ATP8A2: variants seen among roughly 807,000 people sequenced by gnomAD.
ATP8A2 encodes phospholipid-transporting ATPase IB.
Under a neutral mutation model 165.6 loss-of-function variants are expected in ATP8A2, and 100 were observed. That is an observed-to-expected ratio of 0.60 (90% CI 0.51 to 0.71). ATP8A2 has a LOEUF of 0.71. ATP8A2 is among the 30% of genes least tolerant of loss of function. The pLI is 0.00. For synonymous variants in ATP8A2, 543 were observed against 548.8 expected (o/e 0.99, Z 0.15); for missense variants, 1,227 against 1,479.5 (o/e 0.83, Z 2.80).
In ATP8A2 at chr13:25,971,658, C is replaced by T. The variant is rs562970169; in HGVS notation, c.3377+2979C>T. On this transcript the variant is annotated intron_variant, in intron 35 of 36. Transcript: ENST00000381655. Reference sequence around the variant, plus strand: ...CTTCAGTGCCAGATGAGCTGACACACTGGTGCCTGTGTGTCAGCTCGTGTG... The same window carrying T: ...CTTCAGTGCCAGATGAGCTGACACATTGGTGCCTGTGTGTCAGCTCGTGTG... 7.2e-5 allele frequency among the ~76,000 whole-genome samples: 11 copies of T among 152,246 alleles called. No homozygotes were observed. In the South Asian group the frequency reaches 2.1e-3, roughly 29 times the overall value.
intron 11 of ATP8A2, among the ~76,000 whole-genome samples, chr13:25,552,074 C>T (rs1272280958): frequency 1.3e-5 from 2 of 151,738 alleles, no homozygotes; most frequent in Middle Eastern, 3.4e-3. Flanking sequence ...GCACCCTCCA[C>T]CTCCTGGGTT....
intron 24 of ATP8A2, among the ~76,000 whole-genome samples, chr13:25,608,412 G>A (rs534338558): frequency 6.6e-6 from 1 of 152,182 alleles, no homozygotes; most frequent in Non-Finnish European, 1.5e-5. Context: ...TTACATGACA[G>A]TATGTTCTCT....
intron 36 of ATP8A2, among the ~76,000 whole-genome samples, chr13:26,017,871 A>G (rs1957015901): frequency 6.6e-6 from 1 of 152,152 alleles, no homozygotes; most frequent in South Asian, 2.1e-4. Flanking sequence ...GAGGGCTCAC[A>G]ATGGTCTGGG....
chr13:25,443,672 T>C (rs1315132327), intron 1 of ATP8A2, among the ~76,000 whole-genome samples: 3 of 151,912 alleles, frequency 2.0e-5, no homozygotes, highest in Non-Finnish European at 3.0e-5. Flanking sequence ...CCTTTTGGGA[T>C]TTTTTGTTCT....
intron 1 of ATP8A2, among the ~76,000 whole-genome samples, chr13:25,458,400 G>C (rs900114221): frequency 1.3e-5 from 2 of 152,134 alleles, no homozygotes; most frequent in African/African-American, 4.8e-5. Context: ...TTGTTTTTGA[G>C]ATGAGGGTCT....
At chr13:25,660,324 A>C (rs2042022211) in intron 24 of ATP8A2, among the ~76,000 whole-genome samples, 1 of 152,202 alleles carries the variant, frequency 6.6e-6, no homozygotes, top group Non-Finnish European at 1.5e-5. Context: ...TATATTCTGT[A>C]ACAATGCACC....
intron 34 of ATP8A2, among the ~76,000 whole-genome samples, chr13:25,967,044 C>T (rs186953320): frequency 1.5e-4 from 23 of 152,258 alleles, no homozygotes; most frequent in Middle Eastern, 3.4e-3. Context: ...GGCAGGCACT[C>T]GGTGGCTTTG....
At chr13:25,732,104 C>A (rs1297818829) in intron 25 of ATP8A2, among the ~76,000 whole-genome samples, 1 of 152,192 alleles carries the variant, frequency 6.6e-6, no homozygotes, top group Non-Finnish European at 1.5e-5. Flanking sequence ...AAAAATCAAG[C>A]TTTTCCCTCC....
chr13:25,504,329 T>G (rs2137719793), intron 2 of ATP8A2, among the ~76,000 whole-genome samples: 2 of 152,302 alleles, frequency 1.3e-5, no homozygotes, highest in East Asian at 1.9e-4. Context: ...TTTAAAATCC[T>G]TTTTCATCTA....
At chr13:25,461,850 A>AG (rs1203990319) in intron 1 of ATP8A2, among the ~76,000 whole-genome samples, 66 of 112,740 alleles carry the variant, frequency 5.9e-4, no homozygotes, top group Non-Finnish European at 1.2e-3. Flanking sequence ...AAGGAGAAGA[A>AG]GAAGGAGGAG....
intron 1 of ATP8A2, among the ~76,000 whole-genome samples, chr13:25,456,764 A>G (rs77188564): frequency 6.6e-6 from 1 of 152,186 alleles, no homozygotes; most frequent in East Asian, 1.9e-4. Context: ...CTTCTGCGTT[A>G]TGCACACAGA....
chr13:25,762,660 G>T (rs1043861618), intron 25 of ATP8A2, among the ~76,000 whole-genome samples: 2 of 152,078 alleles, frequency 1.3e-5, no homozygotes, highest in African/African-American at 4.8e-5. Flanking sequence ...TCATGATTTT[G>T]GTAGTTAGTC....
At chr13:25,643,607 T>G (rs1404555387) in intron 24 of ATP8A2, among the ~76,000 whole-genome samples, 1 of 152,086 alleles carries the variant, frequency 6.6e-6, no homozygotes, top group African/African-American at 2.4e-5. Flanking sequence ...TTTTTGGGCC[T>G]TCTATTGGTG....
rs763738790 is a variant in ATP8A2, at chr13:25,537,975, C to T, written c.508-13C>T. 1.2e-6 allele frequency: 2 copies of T among 1,603,294 alleles called. No individual in the cohort carries two copies. The highest frequency in any genetic ancestry group is 1.1e-5 in the South Asian group (1 of 90,714). Reference sequence around the variant, plus strand: ...TCTTTCGTGCCCCTCTGTCCTCATCCCTGTCTCTCTAGGTGGCAGTGGGAG... The same window carrying T: ...TCTTTCGTGCCCCTCTGTCCTCATCTCTGTCTCTCTAGGTGGCAGTGGGAG... On this transcript the variant is annotated splice_polypyrimidine_tract_variant and intron_variant, in intron 6 of 36. Transcript: ENST00000381655.
intron 35 of ATP8A2, 65 bp from the exon 36 acceptor site, chr13:26,012,466 T>C (rs568779226): frequency 1.5e-6 from 2 of 1,328,864 alleles, no homozygotes; most frequent in East Asian, 5.4e-5. Context: ...CCCCCTTCTG[T>C]CTGTCTCCTT....
intron 2 of ATP8A2, among the ~76,000 whole-genome samples, chr13:25,527,505 T>C (rs2037879076): frequency 6.6e-6 from 1 of 152,238 alleles, no homozygotes; most frequent in Admixed American, 6.5e-5. Flanking sequence ...TCTTTAATTC[T>C]GTAACATGAC....
chr13:26,020,194 C>T lies in ATP8A2; in HGVS notation c.*209C>T, dbSNP rs747092946. On this transcript the variant is annotated 3_prime_UTR_variant, in exon 37 of 37. Coordinates refer to ENST00000381655, the MANE Select transcript of ATP8A2 (RefSeq NM_016529.6). ...GGAAGCTATCTTTGCCCTCCCAACT[C>T]GTCTGCAGTGCTTAGCCTAACTTTT... 6 of 582,410 alleles carry T rather than the reference C, an allele frequency of 1.0e-5. No individual in the cohort carries two copies. The highest frequency in any genetic ancestry group is 8.5e-5 in the East Asian group (3 of 35,112). The allele number at this position is 582,410 out of a possible 1,614,324, so 36.1% of individuals were successfully genotyped here.
chr13:25,784,425 T>C (rs2044969806), intron 27 of ATP8A2, among the ~76,000 whole-genome samples: 1 of 152,208 alleles, frequency 6.6e-6, no homozygotes, highest in African/African-American at 2.4e-5. Context: ...TTTGCTTCCC[T>C]TCCTTAAAGG....
intron 24 of ATP8A2, among the ~76,000 whole-genome samples, chr13:25,681,043 G>A (rs2042476588): frequency 6.6e-6 from 1 of 152,222 alleles, no homozygotes; most frequent in Non-Finnish European, 1.5e-5. Flanking sequence ...AATTGGAATT[G>A]AAGTGACTAA....
Sources: gnomAD v4.1 joint callset for allele counts (sites outside exome capture counted in the v4.1 genomes callset) on GRCh38, gnomAD v4.1.1 for gene constraint, MANE v1.5 for transcripts, NCBI Gene and HGNC (gene_info 2026-07-23, HGNC 2026-07-21) for gene names.